Variants in RNLS observed in about 807,000 individuals in gnomAD.
RNLS encodes renalase.
A neutral mutation model predicts 39.8 loss-of-function variants in RNLS; 39 were observed. The ratio of observed to expected loss-of-function variants is 0.98; its 90% CI spans 0.76 to 1.28. The LOEUF (loss-of-function observed/expected upper bound fraction) is 1.28, where lower values mean the gene tolerates loss of function less well. Among genes scored for constraint, RNLS ranks in the 50% most tolerant of loss-of-function variants. The pLI, the probability that RNLS is intolerant of heterozygous loss-of-function variation, is 0.00. For missense variants in RNLS, 410 were observed against 413.3 expected, an observed-to-expected ratio of 0.99 and a Z score of 0.07; for synonymous variants, 147 against 150.7, an observed-to-expected ratio of 0.98 and a Z score of 0.18.
At chr10:88,491,627 T>C (rs1193651056) in intron 4 of RNLS, among the ~76,000 whole-genome samples, 2 of 152,182 alleles carry the variant, frequency 1.3e-5, no homozygotes, top group Non-Finnish European at 2.9e-5. Flanking sequence ...ACCTATTTAG[T>C]ACTATGGCCT....
intron 4 of RNLS, among the ~76,000 whole-genome samples, chr10:88,385,805 G>A (rs1374881654): frequency 1.3e-5 from 2 of 152,144 alleles, no homozygotes; most frequent in East Asian, 1.9e-4. Flanking sequence ...CTGGTGGTTG[G>A]GGGTAGGGGA....
chr10:88,251,485 G>A, the RNLS span, among the ~76,000 whole-genome samples: 1 of 152,176 alleles, frequency 6.6e-6, no homozygotes, highest in Non-Finnish European at 1.5e-5. Context: ...CTAATAAACA[G>A]GTTCTCATTT....
chr10:88,426,325 A>AGAGAC (rs1810668113), intron 4 of RNLS, among the ~76,000 whole-genome samples: 1 of 152,120 alleles, frequency 6.6e-6, no homozygotes, highest in Non-Finnish European at 1.5e-5. Flanking sequence ...AACACAGAAT[A>AGAGAC]GAGGCCAAGG....
At chr10:88,373,957 A>G (rs1358038564) in intron 4 of RNLS, among the ~76,000 whole-genome samples, 1 of 152,112 alleles carries the variant, frequency 6.6e-6, no homozygotes, top group East Asian at 1.9e-4. Flanking sequence ...TGATGTACAA[A>G]TCTTATATCA....
intron 4 of RNLS, among the ~76,000 whole-genome samples, chr10:88,552,736 C>T (rs1231374625): frequency 2.0e-5 from 3 of 152,072 alleles, no homozygotes; most frequent in Non-Finnish European, 2.9e-5. Context: ...CACACAGACA[C>T]ACATATACAC....
chr10:88,551,939 T>G (rs1200732571), intron 4 of RNLS, among the ~76,000 whole-genome samples: 3 of 152,210 alleles, frequency 2.0e-5, no homozygotes, highest in East Asian at 3.9e-4. Context: ...TTGAAGAAAG[T>G]GCAGCAGCAA....
At chr10:88,304,773 G>T (rs1844802563) in intron 6 of RNLS, among the ~76,000 whole-genome samples, 1 of 152,138 alleles carries the variant, frequency 6.6e-6, no homozygotes, top group South Asian at 2.1e-4. Flanking sequence ...CATATTTCAG[G>T]ACATTGTCCA....
chr10:88,257,928 T>C, the RNLS span, among the ~76,000 whole-genome samples: 2 of 152,230 alleles, frequency 1.3e-5, no homozygotes, highest in Admixed American at 1.3e-4. Flanking sequence ...GTGTGGTTTG[T>C]TGTAATGCTT....
the RNLS span, among the ~76,000 whole-genome samples, chr10:88,239,552 TATC>T: frequency 6.6e-6 from 1 of 152,240 alleles, no homozygotes; most frequent in Non-Finnish European, 1.5e-5. Flanking sequence ...CAGATGAAGT[TATC>T]ATCATTTTCA....
At chr10:88,235,708 G>A in the RNLS span, among the ~76,000 whole-genome samples, 23 of 151,978 alleles carry the variant, frequency 1.5e-4, no homozygotes, top group Non-Finnish European at 3.2e-4. Flanking sequence ...GTCATTGTAT[G>A]TATTCAGTAA....
At chr10:88,292,468 T>C (rs1428862101) in intron 6 of RNLS, among the ~76,000 whole-genome samples, 1 of 151,738 alleles carries the variant, frequency 6.6e-6, no homozygotes, top group Non-Finnish European at 1.5e-5. Flanking sequence ...TCTTTGCCTG[T>C]AAGAAAACTT....
rs1564900545 is a variant in RNLS, at chr10:88,560,539, C to T, written c.526+12364G>A. ...CAGAGAGTGCAATGTTTCTGGAGAG[C>T]TTTATCTTCCAAACCCCGTAAGCAG... On this transcript the variant is annotated intron_variant, in intron 4 of 6. Coordinates refer to ENST00000331772, the MANE Select transcript of RNLS (RefSeq NM_001031709.3). Among the ~76,000 whole-genome samples the T allele has an allele frequency of 3.3e-5, 5 of 152,076 alleles. No homozygotes were observed. In the South Asian group the frequency reaches 1.0e-3, roughly 32 times the overall value.
rs79049560 is a variant in RNLS, at chr10:88,288,122, G to T, written c.877-2616C>A. On this transcript the variant is annotated intron_variant, in intron 6 of 6. Coordinates refer to ENST00000331772, the MANE Select transcript of RNLS (RefSeq NM_001031709.3). The stretch of plus-strand genomic sequence containing the variant: ...AGCTTTCAAGAAGCAATTCTAATAT[G>T]CATAAAATATTCATTGCTAGCATTT... 4.5e-3 allele frequency among the ~76,000 whole-genome samples: 686 copies of T among 152,222 alleles called. 4 individuals are homozygous for T. Among genetic ancestry groups the T allele is most frequent in the African/African-American group, 0.016 (648 of 41,542 alleles).
At chr10:88,446,677 T>C (rs1254301936) in intron 4 of RNLS, among the ~76,000 whole-genome samples, 1 of 152,124 alleles carries the variant, frequency 6.6e-6, no homozygotes, top group Non-Finnish European at 1.5e-5. Flanking sequence ...CAGAGAATAC[T>C]ATAAACACCT....
intron 4 of RNLS, among the ~76,000 whole-genome samples, chr10:88,372,599 G>A (rs1375164875): frequency 1.3e-5 from 2 of 152,046 alleles, no homozygotes; most frequent in Non-Finnish European, 2.9e-5. Flanking sequence ...ATTTTTAAAC[G>A]CAGGAACTGT....
chr10:88,383,120 G>A (rs932402832), intron 4 of RNLS, among the ~76,000 whole-genome samples: 8 of 151,922 alleles, frequency 5.3e-5, no homozygotes, highest in Non-Finnish European at 8.8e-5. Flanking sequence ...TTACTTTTGC[G>A]GACTTAACCA....
At position 88,575,124 on chromosome 10, in the gene RNLS, GTATATATATATATATATATA is replaced by G. The variant is rs1174268534; in HGVS notation, c.368-2083_368-2064del. On this transcript the variant is annotated intron_variant, in intron 3 of 6. Coordinates refer to ENST00000331772, the MANE Select transcript of RNLS (RefSeq NM_001031709.3). The stretch of plus-strand genomic sequence containing the variant: ...CAATGGCCACAAGGTGTTCTGCAAA[GTATATATATATATATATATA>G]TATATATATATATATACACACACAC... 7.9e-4 allele frequency among the ~76,000 whole-genome samples: 78 copies of G among 98,910 alleles called. 1 individual carries two copies. The highest frequency in any genetic ancestry group is 3.0e-3 in the African/African-American group (76 of 24,922). 64.9% of individuals were successfully genotyped at this position (98,910 alleles called of 152,430 possible).
rs891619588 is a variant in RNLS, at chr10:88,504,386, T to C, written c.526+68517A>G. 3.3e-5 allele frequency among the ~76,000 whole-genome samples: 5 copies of C among 152,230 alleles called. No homozygotes were observed. In the East Asian group the frequency reaches 7.7e-4, roughly 24 times the overall value. On this transcript the variant is annotated intron_variant, in intron 4 of 6. Coordinates refer to ENST00000331772, the MANE Select transcript of RNLS (RefSeq NM_001031709.3). Reference sequence around the variant, plus strand: ...AAAAAAGGTGCCAAAGAATGTATAATGAATAATACGCCTCTTTTGTATAAT... The same window carrying C: ...AAAAAAGGTGCCAAAGAATGTATAACGAATAATACGCCTCTTTTGTATAAT...
intron 5 of RNLS, among the ~76,000 whole-genome samples, chr10:88,342,779 G>A (rs1848045038): frequency 6.6e-6 from 1 of 152,190 alleles, no homozygotes; most frequent in Admixed American, 6.5e-5. Flanking sequence ...AGGTCTCGAG[G>A]TGGAAAAAAG....
Sources: allele counts gnomAD v4.1 joint callset (sites outside exome capture counted in the v4.1 genomes callset), GRCh38; gene constraint gnomAD v4.1.1; transcripts MANE v1.5; gene names NCBI Gene and HGNC (gene_info 2026-07-23, HGNC 2026-07-21).